The following SEMA3E variants were observed in gnomAD, a reference collection of about 807,000 sequenced individuals.
SEMA3E encodes the protein semaphorin 3E.
Under a neutral mutation model 93.6 loss-of-function variants are expected in SEMA3E, and 49 were observed. The ratio of observed to expected loss-of-function variants is 0.52; its 90% CI spans 0.42 to 0.66. The LOEUF (loss-of-function observed/expected upper bound fraction) is 0.66, where lower values mean the gene tolerates loss of function less well. Among genes scored for constraint, SEMA3E ranks in the 30% least tolerant of loss-of-function variants. SEMA3E has a pLI of 0.00. For synonymous variants in SEMA3E, 363 were observed against 330.7 expected (o/e 1.10, Z -1.06); for missense variants, 906 against 964.8 (o/e 0.94, Z 0.81).
intron 2 of SEMA3E, among the ~76,000 whole-genome samples, chr7:83,478,783 G>A (rs1790076387): frequency 6.6e-6 from 1 of 152,170 alleles, no homozygotes; most frequent in Admixed American, 6.5e-5. Flanking sequence ...AGCAGAACTA[G>A]CAAAACTAAT....
rs71522672 is a variant in SEMA3E, at chr7:83,619,904, C to CAGACAGACAGATAGAT, written c.115+28523_115+28524insATCTATCTGTCTGTCT. On this transcript the variant is annotated intron_variant, in intron 1 of 16. Transcript: ENST00000643230. ...GATAGATGATAGATAGATAGATAGACAGATAGATAGATAGATAGACAGATA... is the reference window on the plus strand; with the variant it reads ...GATAGATGATAGATAGATAGATAGACAGACAGACAGATAGATAGATAGATAGATAGATAGACAGATA... Among the ~76,000 whole-genome samples, 874 of 148,138 alleles carry CAGACAGACAGATAGAT rather than the reference C, an allele frequency of 5.9e-3. 3 individuals are homozygous for CAGACAGACAGATAGAT. The highest frequency in any genetic ancestry group is 0.017 in the South Asian group (78 of 4,642).
chr7:83,430,248 T>C lies in SEMA3E; in HGVS notation c.457-11765A>G, dbSNP rs777454721. On this transcript the variant is annotated intron_variant, in intron 4 of 16. Transcript: ENST00000643230. The stretch of plus-strand genomic sequence containing the variant: ...GGGAAGCCGAGGCGGGTGGATCACT[T>C]GAGGCCAGGAGTTCAGGACCAGCCT... 2.6e-5 allele frequency among the ~76,000 whole-genome samples: 4 copies of C among 152,220 alleles called. No individual in the cohort carries two copies. The South Asian group carries it at 6.2e-4, about 24-fold the overall frequency.
chr7:83,490,243 A>C lies in SEMA3E; in HGVS notation c.147T>G (p.Phe49Leu). ...ELLNLNRTSI[F>L]HSPFGFLDLH... is the part of the protein sequence containing the mutation. ...GATCAAGAAATCCAAAAGGGCTATG[A>C]AATATTGATGTTCTGTTCAGATTCA... Residue 49 changes from phenylalanine to leucine, a missense_variant, in exon 2 of 17, where the codon TTT (phenylalanine) becomes TTG (leucine). Phe to Leu is a conservative substitution (Grantham distance 22, BLOSUM62 0). Coordinates refer to ENST00000643230, the MANE Select transcript of SEMA3E (RefSeq NM_012431.3). The C allele has an allele frequency of 3.1e-6, 5 of 1,612,834 alleles. No homozygotes were observed. The highest frequency in any genetic ancestry group is 4.2e-6 in the Non-Finnish European group (5 of 1,179,380).
intron 4 of SEMA3E, among the ~76,000 whole-genome samples, chr7:83,451,165 T>C (rs1033428064): frequency 2.0e-5 from 3 of 152,138 alleles, no homozygotes; most frequent in African/African-American, 4.8e-5. Context: ...TCCACCATGA[T>C]TGTAAGTTTC....
At chr7:83,473,641 A>G (rs1443965167) in intron 2 of SEMA3E, among the ~76,000 whole-genome samples, 1 of 152,246 alleles carries the variant, frequency 6.6e-6, no homozygotes, top group Non-Finnish European at 1.5e-5. Context: ...GATGAAATGC[A>G]ACACTAGGCA....
chr7:83,558,109 T>A (rs1361613203), intron 1 of SEMA3E, among the ~76,000 whole-genome samples: 1 of 152,174 alleles, frequency 6.6e-6, no homozygotes, highest in Admixed American at 6.6e-5. Context: ...ATAGCTTTCA[T>A]AATATTTGTA....
Position 83,375,975 on chromosome 7 carries a change from G to A in SEMA3E, c.1876-7937C>T, listed in dbSNP as rs1406868445. On this transcript the variant is annotated intron_variant, in intron 16 of 16. Coordinates refer to ENST00000643230, the MANE Select transcript of SEMA3E (RefSeq NM_012431.3). ...TGTGCAACTAAAAAATGAGATAAATGATATTATACAAATATGTTTGTCAAG... is the reference window on the plus strand; with the variant it reads ...TGTGCAACTAAAAAATGAGATAAATAATATTATACAAATATGTTTGTCAAG... Among the ~76,000 whole-genome samples, 3 of 151,938 alleles carry A rather than the reference G, an allele frequency of 2.0e-5. No homozygotes were observed. The South Asian group carries it at 6.2e-4, about 31-fold the overall frequency.
At chr7:83,378,818 C>T (rs941785249) in intron 16 of SEMA3E, among the ~76,000 whole-genome samples, 2 of 151,778 alleles carry the variant, frequency 1.3e-5, no homozygotes, top group Admixed American at 6.6e-5. Flanking sequence ...TTAGCACAAC[C>T]TTTATGAAAA....
intron 1 of SEMA3E, among the ~76,000 whole-genome samples, chr7:83,541,695 A>C (rs10255151): frequency 0.22 from 33,534 of 152,038 alleles, 3,883 homozygotes; most frequent in East Asian, 0.39. Context: ...TATTGCCAGC[A>C]AATGCAAGAA....
chr7:83,536,218 A>C (rs909945154), intron 1 of SEMA3E, among the ~76,000 whole-genome samples: 4 of 152,104 alleles, frequency 2.6e-5, no homozygotes, highest in Admixed American at 2.0e-4. Flanking sequence ...TTTTTTAATG[A>C]ATTGACCAAA....
intron 4 of SEMA3E, among the ~76,000 whole-genome samples, chr7:83,440,089 A>G (rs1229331903): frequency 2.0e-5 from 3 of 152,164 alleles, no homozygotes; most frequent in Non-Finnish European, 4.4e-5. Flanking sequence ...TTTTTTCTAA[A>G]TATTTTCCTT....
At position 83,502,751 on chromosome 7, in the gene SEMA3E, C is replaced by T. The variant is rs941445520; in HGVS notation, c.116-12477G>A. 3.9e-5 allele frequency among the ~76,000 whole-genome samples: 6 copies of T among 152,084 alleles called. No homozygotes were observed. In the East Asian group the frequency reaches 1.2e-3, roughly 29 times the overall value. On this transcript the variant is annotated intron_variant, in intron 1 of 16. Transcript: ENST00000643230. ...GGTTTTTCTTATATATGTTTTCTCT[C>T]TTCTGACAAGGAACATGTTCCATAA...
chr7:83,475,958 T>A (rs1344946161), intron 2 of SEMA3E, among the ~76,000 whole-genome samples: 6 of 152,224 alleles, frequency 3.9e-5, no homozygotes, highest in African/African-American at 1.2e-4. Flanking sequence ...TGATATTTTT[T>A]CAACGGACAG....
chr7:83,591,118 AAAAAC>A (rs1343016157), intron 1 of SEMA3E, among the ~76,000 whole-genome samples: 60 of 150,718 alleles, frequency 4.0e-4, no homozygotes, highest in African/African-American at 1.4e-3. Context: ...AAAAAAAAAA[AAAAAC>A]AAGAGGAATT....
chr7:83,418,890 T>TTC (rs1788616121), intron 4 of SEMA3E, among the ~76,000 whole-genome samples: 1 of 151,848 alleles, frequency 6.6e-6, no homozygotes, highest in South Asian at 2.1e-4. Context: ...GTTGATTTTT[T>TTC]TATAAATTAG....
chr7:83,627,855 C>T (rs1166120273), intron 1 of SEMA3E, among the ~76,000 whole-genome samples: 3 of 152,006 alleles, frequency 2.0e-5, no homozygotes, highest in African/African-American at 4.8e-5. Context: ...TTGATCCTGT[C>T]GTTATGATGC....
Position 83,600,758 on chromosome 7 carries a change from T to C in SEMA3E, c.115+47670A>G, listed in dbSNP as rs555897967. Among the ~76,000 whole-genome samples, 2 of 152,010 alleles carry C rather than the reference T, an allele frequency of 1.3e-5. 1 individual carries two copies. The highest frequency in any genetic ancestry group is 4.8e-5 in the African/African-American group (2 of 41,492). On this transcript the variant is annotated intron_variant, in intron 1 of 16. Coordinates refer to ENST00000643230, the MANE Select transcript of SEMA3E (RefSeq NM_012431.3). ...CATCATCACAGATAAATAAAAATAA[T>C]AAGAAATGGGTGGAACGTGATGTTG...
chr7:83,600,909 A>G lies in SEMA3E; in HGVS notation c.115+47519T>C, dbSNP rs1330137453. Among the ~76,000 whole-genome samples the G allele has an allele frequency of 2.0e-5, 3 of 152,216 alleles. No individual in the cohort carries two copies. The East Asian group carries it at 5.8e-4, about 29-fold the overall frequency. On this transcript the variant is annotated intron_variant, in intron 1 of 16. Transcript: ENST00000643230. ...AGATGTCTACACCCCAATCTCAGAA[A>G]CTTATGAATATGTTATGGCAAAAGA...
intron 1 of SEMA3E, among the ~76,000 whole-genome samples, chr7:83,608,126 G>A (rs758543691): frequency 6.6e-6 from 1 of 151,860 alleles, no homozygotes. Context: ...GGCAGGAGAA[G>A]TACTTGAACC....
Sources: gnomAD v4.1 joint callset for allele counts (sites outside exome capture counted in the v4.1 genomes callset) on GRCh38, gnomAD v4.1.1 for gene constraint, MANE v1.5 for transcripts, NCBI Gene and HGNC (gene_info 2026-07-23, HGNC 2026-07-21) for gene names.